The following MDN1 variants were observed in gnomAD, a reference collection of about 807,000 sequenced individuals.
The protein encoded by MDN1 is midasin AAA ATPase 1, also known as midasin.
Under a neutral mutation model 669.2 loss-of-function variants are expected in MDN1, and 266 were observed. The observed-to-expected ratio is 0.40, with a 90% CI of 0.36 to 0.44. The LOEUF is 0.44. Among genes scored for constraint, MDN1 ranks in the 20% least tolerant of loss-of-function variants. MDN1 has a pLI of 1.00. For missense variants in MDN1, 5,940 were observed against 6,754.0 expected, an observed-to-expected ratio of 0.88 and a Z score of 4.22; for synonymous variants, 2,385 against 2,457.1, an observed-to-expected ratio of 0.97 and a Z score of 0.87.
In MDN1 at chr6:89,718,982, G is replaced by C; in HGVS notation, c.6106C>G (p.Arg2036Gly). 6.2e-7 allele frequency: 1 copy of C among 1,614,170 alleles called. No individual in the cohort carries two copies. Among genetic ancestry groups the C allele is most frequent in the African/African-American group, 1.3e-5 (1 of 75,054 alleles). ...SRGSCVPHPS[R>G]HPLLLLHQSF... ...TGGTGCAGGAGCAACAGGGGATGGC[G>C]GGACGGGTGAGGAACACAGCTCCCA... is the stretch of plus-strand genomic sequence containing the variant. The change falls in exon 42 of 102, where the codon CGC becomes GGC. Residue 2036 changes from arginine to glycine, a missense_variant. By Grantham distance (125) the Arg-to-Gly change is moderately radical (BLOSUM62 -2). Coordinates refer to ENST00000369393, the MANE Select transcript of MDN1 (RefSeq NM_014611.3).
rs566215533 is a variant in MDN1, at chr6:89,747,373, G to A, written c.3860C>T (p.Pro1287Leu). 15 of 1,614,002 alleles carry A rather than the reference G, an allele frequency of 9.3e-6. No individual in the cohort carries two copies. In the East Asian group the frequency reaches 1.8e-4, roughly 19 times the overall value. ...TAGCCAGTCATACTCCTTCTCGGTCGGCTCAGCCAATCTGTATCTTTCAGC... is the reference window on the plus strand; with the variant it reads ...TAGCCAGTCATACTCCTTCTCGGTCAGCTCAGCCAATCTGTATCTTTCAGC... ...RWAERYRLAE[P>L]TEKEYDWLQH... Residue 1287 changes from proline to leucine, a missense_variant, in exon 27 of 102, where the codon CCG becomes CTG. Transcript: ENST00000369393.
intron 79 of MDN1, among the ~76,000 whole-genome samples, chr6:89,673,799 G>A (rs1467427694): frequency 6.6e-6 from 1 of 151,648 alleles, no homozygotes; most frequent in Non-Finnish European, 1.5e-5. Context: ...TTAGTATTTG[G>A]TGTGATAGGC....
At chr6:89,667,087 A>G (rs1223018664) in intron 84 of MDN1, among the ~76,000 whole-genome samples, 4 of 152,248 alleles carry the variant, frequency 2.6e-5, no homozygotes, top group African/African-American at 7.2e-5. Flanking sequence ...ACATAATTTA[A>G]AATTCAGCAG....
intron 49 of MDN1, among the ~76,000 whole-genome samples, 195 bp from the exon 50 acceptor site, chr6:89,710,989 C>G (rs1258316938): frequency 6.6e-6 from 1 of 152,104 alleles, no homozygotes; most frequent in Non-Finnish European, 1.5e-5. Context: ...ATTTTAGTAG[C>G]CCTCTCTGGC....
Position 89,661,442 on chromosome 6 carries a change from T to A in MDN1, c.14702A>T (p.Glu4901Val). 1 of 1,612,224 alleles carries A rather than the reference T, an allele frequency of 6.2e-7. No homozygotes were observed. Among genetic ancestry groups the A allele is most frequent in the Non-Finnish European group, 8.5e-7 (1 of 1,179,508 alleles). The change falls in exon 88 of 102, where the codon GAA (glutamate) becomes GTA (valine). Residue 4901 changes from glutamate (E) to valine (V), a missense_variant. Glu to Val is a moderately radical substitution (Grantham distance 121). Transcript: ENST00000369393. Reference sequence around the variant, plus strand: ...TCTGAAAGACGCACCTTCTCCTTCTTCATTGTCGGTGTCCTCACCACCATT... The same window carrying A: ...TCTGAAAGACGCACCTTCTCCTTCTACATTGTCGGTGTCCTCACCACCATT... Reference protein sequence around the residue: ...DKNGGEDTDNEEGEEENPLEI... With the variant: ...DKNGGEDTDNVEGEEENPLEI...
chr6:89,801,206 G>A (rs1767634203), intron 2 of MDN1, among the ~76,000 whole-genome samples: 1 of 152,160 alleles, frequency 6.6e-6, no homozygotes, highest in Non-Finnish European at 1.5e-5. Context: ...GACCAGCCTG[G>A]CCAACATGGT....
intron 11 of MDN1, among the ~76,000 whole-genome samples, chr6:89,778,934 A>ATAAAT (rs111344373): frequency 7.0e-5 from 9 of 128,306 alleles, no homozygotes; most frequent in South Asian, 2.5e-4. Context: ...AAATAAATAA[A>ATAAAT]AAAAAAGGTA....
At chr6:89,779,843 A>G (rs980633536) in intron 11 of MDN1, among the ~76,000 whole-genome samples, 2 of 152,196 alleles carry the variant, frequency 1.3e-5, no homozygotes, top group Non-Finnish European at 2.9e-5. Context: ...ACGTGGGTGG[A>G]TCACTTGAGG....
chr6:89,687,250 C>A, intron 68 of MDN1, 94 bp downstream of exon 68: 1 of 1,260,792 alleles, frequency 7.9e-7, no homozygotes, highest in South Asian at 1.4e-5. Flanking sequence ...CATTCTGTAG[C>A]TGTAATACTA....
At chr6:89,652,906 A>C in intron 94 of MDN1, 86 bp downstream of exon 94, 1 of 1,388,694 alleles carries the variant, frequency 7.2e-7, no homozygotes, top group Non-Finnish European at 9.8e-7. Context: ...TAAAGTTCTA[A>C]AGACAAAGAT....
chr6:89,752,743 T>A (rs1411389211), intron 22 of MDN1, among the ~76,000 whole-genome samples: 1 of 152,232 alleles, frequency 6.6e-6, no homozygotes, highest in African/African-American at 2.4e-5. Context: ...AAATGCTATG[T>A]GGCCCTTAGA....
intron 1 of MDN1, among the ~76,000 whole-genome samples, chr6:89,816,951 G>A (rs1274577173): frequency 6.6e-6 from 1 of 151,476 alleles, no homozygotes; most frequent in Non-Finnish European, 1.5e-5. Context: ...TGGGATTACA[G>A]GCGCGTGCCA....
chr6:89,655,799 T>C lies in MDN1; in HGVS notation c.15455A>G (p.Lys5152Arg). The C allele has an allele frequency of 6.2e-7, 1 of 1,613,164 alleles. No homozygotes were observed. Among genetic ancestry groups the C allele is most frequent in the South Asian group, 1.1e-5 (1 of 90,742 alleles). Residue 5152 changes from lysine (K) to arginine (R), a missense_variant, in exon 92 of 102, where the codon AAA becomes AGA. Physicochemically the swap from Lys to Arg is conservative, Grantham distance 26 (BLOSUM62 2). Transcript: ENST00000369393. ...TGCATCGTATGCGTCACTGCCTTGT[T>C]TAATGTGCTCGAATGCATCTGCATC... ...VEDADAFEHI[K>R]QGSDAYDAQT... is the part of the protein sequence containing the mutation.
Position 89,781,553 on chromosome 6 carries a change from C to T in MDN1, c.1489G>A (p.Asp497Asn), listed in dbSNP as rs758213531. The stretch of plus-strand genomic sequence containing the variant: ...TGGATATAAATGTCAAGCAGGTGAT[C>T]AACCACTGCCAATAGGCTAGGATAT... ...SRYPSLLAVV[D>N]HLLDIYIQLT... is the part of the protein sequence containing the mutation. The change falls in exon 10 of 102, where the codon GAT becomes AAT. Residue 497 changes from aspartate (D) to asparagine (N), a missense_variant. Around this residue, in one of 5 missense-constraint regions of MDN1, gnomAD observed 1,203 missense variants for 1,268.9 expected, o/e 0.95. Transcript: ENST00000369393. 1.1e-5 allele frequency: 18 copies of T among 1,612,888 alleles called. No homozygotes were observed. The highest frequency in any genetic ancestry group is 1.5e-5 in the Non-Finnish European group (18 of 1,179,154).
chr6:89,775,421 C>T (rs757755024), intron 12 of MDN1, among the ~76,000 whole-genome samples: 22 of 152,104 alleles, frequency 1.4e-4, no homozygotes, highest in Non-Finnish European at 2.8e-4. Flanking sequence ...TTTCAGAAGC[C>T]TTATAAAAAT....
At chr6:89,780,605 G>GCAACCAAT (rs1554197051) in intron 10 of MDN1, among the ~76,000 whole-genome samples, 2 of 150,780 alleles carry the variant, frequency 1.3e-5, no homozygotes, top group African/African-American at 2.4e-5. Flanking sequence ...AAGGAGGGGA[G>GCAACCAAT]CAACCAATCA....
chr6:89,697,302 A>C (rs1356533822), intron 59 of MDN1, among the ~76,000 whole-genome samples: 1 of 152,218 alleles, frequency 6.6e-6, no homozygotes, highest in African/African-American at 2.4e-5. Context: ...GATGAAATAG[A>C]TTTGAACATA....
At chr6:89,753,483 A>G in intron 22 of MDN1, 29 bp downstream of exon 22, 1 of 1,537,348 alleles carries the variant, frequency 6.5e-7, no homozygotes, top group Non-Finnish European at 8.9e-7. Context: ...TTTCAAGTGT[A>G]ACAAGTCAAA....
intron 14 of MDN1, 119 bp from the exon 15 acceptor site, chr6:89,771,740 G>A: frequency 1.2e-6 from 1 of 846,354 alleles, no homozygotes; most frequent in Non-Finnish European, 1.9e-6. Flanking sequence ...ACAGAGTCTT[G>A]TTCTGTCAAC....
Sources: gnomAD v4.1 joint callset for allele counts (sites outside exome capture counted in the v4.1 genomes callset) on GRCh38, gnomAD v4.1.1 for gene constraint, gnomAD v4.1.1 regional missense constraint, MANE v1.5 for transcripts, NCBI Gene and HGNC (gene_info 2026-07-23, HGNC 2026-07-21) for gene names.